EEA1: variants seen among roughly 807,000 people sequenced by gnomAD.
EEA1 encodes early endosome antigen 1, 162kD.
A neutral mutation model predicts 209.2 loss-of-function variants in EEA1; 111 were observed. That is an observed-to-expected ratio of 0.53 (90% confidence interval 0.45 to 0.62). EEA1 has a LOEUF of 0.62. Among genes scored for constraint, EEA1 ranks in the 20% least tolerant of loss-of-function variants. The pLI, the probability that EEA1 is intolerant of heterozygous loss-of-function variation, is 0.00. For synonymous variants in EEA1, 536 were observed against 540.6 expected, an observed-to-expected ratio of 0.99 and a Z score of 0.12; for missense variants, 1,343 against 1,530.8, an observed-to-expected ratio of 0.88 and a Z score of 2.05.
At chr12:92,868,785 C>T (rs1281170689) in intron 2 of EEA1, among the ~76,000 whole-genome samples, 1 of 151,870 alleles carries the variant, frequency 6.6e-6, no homozygotes, top group African/African-American at 2.4e-5. Context: ...AATTCCGCAC[C>T]TTCTCAAATA....
chr12:92,838,559 T>TG (rs1282546210), intron 10 of EEA1, among the ~76,000 whole-genome samples: 1 of 152,126 alleles, frequency 6.6e-6, no homozygotes, highest in Admixed American at 6.5e-5. Flanking sequence ...AGCACAGCTA[T>TG]GAAAGATTAT....
In EEA1 at chr12:92,776,113, TC is replaced by T; in HGVS notation, c.4133del (p.Gly1378GlufsTer14). 6.2e-7 allele frequency: 1 copy of T among 1,609,746 alleles called. No individual in the cohort carries two copies. Among genetic ancestry groups the T allele is most frequent in the Non-Finnish European group, 8.5e-7 (1 of 1,177,452 alleles). ...TVRRHHCRQC[G>X]NIFCAECSAK... ...CTGAACATTCAGCACAGAAGATATT[TC>T]CACACTGTCGGCAGTGATGCTGTAA... On this transcript the variant is annotated frameshift_variant, in exon 29 of 29. Coordinates refer to ENST00000322349, the MANE Select transcript of EEA1 (RefSeq NM_003566.4). LOFTEE classifies it high-confidence loss of function.
At chr12:92,911,809 T>TTC (rs35939428) in intron 1 of EEA1, among the ~76,000 whole-genome samples, 145,182 of 152,268 alleles carry the variant, frequency 0.95, 69,247 homozygotes, top group East Asian at 1. Flanking sequence ...AAAAAGTAAC[T>TTC]TGTTTTTCAA....
At chr12:92,921,749 TAAAAAAAAAGAAA>T (rs1881005521) in intron 1 of EEA1, among the ~76,000 whole-genome samples, 1 of 34,322 alleles carries the variant, frequency 2.9e-5, no homozygotes, top group African/African-American at 1.2e-4. Flanking sequence ...TAAAGTATAA[TAAAAAAAAAGAAA>T]AAAAAAAAAA....
intron 1 of EEA1, among the ~76,000 whole-genome samples, chr12:92,910,642 T>A (rs1880548110): frequency 6.6e-6 from 1 of 152,180 alleles, no homozygotes; most frequent in African/African-American, 2.4e-5. Context: ...CTGGACTTCA[T>A]TAAAATTTAA....
chr12:92,795,354 C>T lies in EEA1; in HGVS notation c.2967+3538G>A, dbSNP rs536626828. 1.8e-4 allele frequency among the ~76,000 whole-genome samples: 27 copies of T among 152,298 alleles called. No homozygotes were observed. The South Asian group carries it at 5.2e-3, about 29-fold the overall frequency. ...TTATGTCCCATCACTATCTTTCATA[C>T]CTCTCTGTTTAGTTTCTCTACGCAC... On this transcript the variant is annotated intron_variant, in intron 21 of 28. Coordinates refer to ENST00000322349, the MANE Select transcript of EEA1 (RefSeq NM_003566.4).
chr12:92,926,080 A>T (rs1196968641), intron 1 of EEA1, among the ~76,000 whole-genome samples: 1 of 150,056 alleles, frequency 6.7e-6, no homozygotes, highest in Non-Finnish European at 1.5e-5. Flanking sequence ...TGCAATCTCC[A>T]CCTCCCGGGT....
chr12:92,851,398 G>GAAGTCTA, intron 8 of EEA1, 132 bp from the exon 9 acceptor site: 1 of 836,258 alleles, frequency 1.2e-6, no homozygotes, highest in Non-Finnish European at 1.8e-6. Context: ...TTCAAACATT[G>GAAGTCTA]AACACTGATA....
intron 10 of EEA1, 65 bp downstream of exon 10, chr12:92,842,400 T>G (rs183178976): frequency 1.2e-6 from 1 of 833,032 alleles, no homozygotes; most frequent in African/African-American, 1.7e-5. Flanking sequence ...TTTTAAAGTA[T>G]GTAAGATTAA....
rs764321481 is a variant in EEA1, at chr12:92,819,438, T to C, written c.1598A>G (p.Gln533Arg). Residue 533 changes from glutamine to arginine, a missense_variant, in exon 14 of 29, where the codon CAG becomes CGG. Gln to Arg is a conservative substitution (Grantham distance 43). This residue lies in a region of EEA1 where 1,307 missense variants were observed against 1,465.5 expected (regional missense o/e 0.89). Transcript: ENST00000322349. ...TAATGAAATATTTTCTTTACTCTTCTGTAATAAAGCTTCAAGGTTCTGGAT... is the reference window on the plus strand; with the variant it reads ...TAATGAAATATTTTCTTTACTCTTCCGTAATAAAGCTTCAAGGTTCTGGAT... The part of the protein sequence containing the change: ...QKIQNLEALL[Q>R]KSKENISLLE... 6.2e-7 allele frequency: 1 copy of C among 1,612,462 alleles called. No homozygotes were observed. Among genetic ancestry groups the C allele is most frequent in the South Asian group, 1.1e-5 (1 of 90,766 alleles).
chr12:92,849,867 T>C (rs2136707649), intron 9 of EEA1, among the ~76,000 whole-genome samples: 1 of 152,236 alleles, frequency 6.6e-6, no homozygotes, highest in East Asian at 1.9e-4. Flanking sequence ...CTTTTTAAAC[T>C]GAAAATATGA....
Position 92,771,953 on chromosome 12 carries a change from A to G in EEA1, c.*4058T>C, listed in dbSNP as rs1873446496. ...GGAATTCTATAAAGCTCACAAAGTAACATGTCTAATATACAATATATTAGA... is the reference window on the plus strand; with the variant it reads ...GGAATTCTATAAAGCTCACAAAGTAGCATGTCTAATATACAATATATTAGA... On this transcript the variant is annotated 3_prime_UTR_variant, in exon 29 of 29. Transcript: ENST00000322349. 6.6e-6 allele frequency: 1 copy of G among 152,036 alleles called. No individual in the cohort carries two copies. Among genetic ancestry groups the G allele is most frequent in the Non-Finnish European group, 1.5e-5 (1 of 67,906 alleles). The allele number at this position is 152,036 out of a possible 1,614,324, so 9.4% of individuals were successfully genotyped here. A position where few individuals can be genotyped will look rare whatever the true frequency, so the allele number is the denominator to read the frequency against.
intron 16 of EEA1, among the ~76,000 whole-genome samples, chr12:92,812,642 C>T (rs555084567): frequency 1.3e-5 from 2 of 152,200 alleles, no homozygotes; most frequent in South Asian, 4.1e-4. Flanking sequence ...TCTGCCCCAT[C>T]CAATCACCAA....
chr12:92,846,937 TTTAC>T (rs764888971), intron 9 of EEA1, among the ~76,000 whole-genome samples: 189 of 152,204 alleles, frequency 1.2e-3, no homozygotes, highest in Non-Finnish European at 1.7e-3. Flanking sequence ...GAAATAAATG[TTTAC>T]TTGAGATTTT....
intron 1 of EEA1, among the ~76,000 whole-genome samples, chr12:92,897,271 G>C (rs532813282): frequency 2.2e-4 from 34 of 152,202 alleles, no homozygotes; most frequent in Non-Finnish European, 3.2e-4. Context: ...CTGATTGTGG[G>C]CAAGTCTTCA....
chr12:92,881,402 AGAG>A (rs1341691176), intron 2 of EEA1, among the ~76,000 whole-genome samples: 2 of 151,984 alleles, frequency 1.3e-5, no homozygotes, highest in East Asian at 1.9e-4. Flanking sequence ...AGTGAGATGG[AGAG>A]GAGGAGGGGA....
chr12:92,904,065 C>T (rs1179554318), intron 1 of EEA1, among the ~76,000 whole-genome samples: 1 of 151,890 alleles, frequency 6.6e-6, no homozygotes, highest in East Asian at 1.9e-4. Context: ...CGGGTTCAAG[C>T]GATTCTCCTG....
chr12:92,779,223 C>T lies in EEA1; in HGVS notation c.3546G>A (p.Leu1182=). The T allele has an allele frequency of 6.2e-7, 1 of 1,610,424 alleles. No individual in the cohort carries two copies. The highest frequency in any genetic ancestry group is 8.5e-7 in the Non-Finnish European group (1 of 1,178,866). ...KLELQGKADS[L]KAAVEQEKRN... is the part of the protein sequence containing the mutation. ...TCTTCTCCTGTTCAACAGCTGCCTT[C>T]AGGGAGTCCGCTTTTCCTTGAAGTT... is the stretch of plus-strand genomic sequence containing the variant. The change falls in exon 25 of 29, where the codon CTG becomes CTA. Residue 1182 remains leucine, a synonymous_variant. Coordinates refer to ENST00000322349, the MANE Select transcript of EEA1 (RefSeq NM_003566.4).
At chr12:92,786,974 T>C (rs1592701283) in intron 22 of EEA1, among the ~76,000 whole-genome samples, 1 of 152,198 alleles carries the variant, frequency 6.6e-6, no homozygotes, top group African/African-American at 2.4e-5. Context: ...TTTTCTCAAA[T>C]GTGCCCCTGA....
Sources: gnomAD v4.1 joint callset for allele counts (sites outside exome capture counted in the v4.1 genomes callset) on GRCh38, gnomAD v4.1.1 for gene constraint, gnomAD v4.1.1 regional missense constraint, MANE v1.5 for transcripts, NCBI Gene and HGNC (gene_info 2026-07-23, HGNC 2026-07-21) for gene names.